Variants in XKR9 observed in about 807,000 individuals in gnomAD.
XKR9 encodes the protein XK-related protein 9.
In XKR9, 32 loss-of-function variants were observed where a neutral mutation model predicts 32.0. The ratio of observed to expected loss-of-function variants is 1.00; its 90% CI spans 0.76 to 1.34. The LOEUF is 1.34. Ranked by LOEUF, XKR9 falls within the 40% of genes most tolerant of loss-of-function variation. The pLI, the probability that XKR9 is intolerant of heterozygous loss-of-function variation, is 0.00. For missense variants in XKR9, 546 were observed against 429.7 expected (o/e 1.27, Z -2.39); for synonymous variants, 168 against 143.4 (o/e 1.17, Z -1.22).
At chr8:70,935,505 G>C in the XKR9 span, among the ~76,000 whole-genome samples, 1 of 151,890 alleles carries the variant, frequency 6.6e-6, no homozygotes, top group Non-Finnish European at 1.5e-5. Context: ...CAGTATATGA[G>C]AGTGTATTTC....
the XKR9 span, among the ~76,000 whole-genome samples, chr8:70,877,029 A>T: frequency 0.087 from 13,223 of 152,204 alleles, 1,173 homozygotes; most frequent in East Asian, 0.27. Flanking sequence ...TGGGTAATTT[A>T]TAAAGGAAAG....
At chr8:70,766,250 T>G (rs1367535626) in intron 2 of XKR9, among the ~76,000 whole-genome samples, 1 of 152,224 alleles carries the variant, frequency 6.6e-6, no homozygotes, top group Non-Finnish European at 1.5e-5. Flanking sequence ...TGGAATGTTC[T>G]TCCACTTGTT....
At chr8:71,000,194 CTA>C in the XKR9 span, among the ~76,000 whole-genome samples, 1 of 152,142 alleles carries the variant, frequency 6.6e-6, no homozygotes, top group Non-Finnish European at 1.5e-5. Context: ...TAAAGAAGCT[CTA>C]GAGACAAAAT....
chr8:70,681,106 A>G lies in XKR9; in HGVS notation c.48A>G (p.Ile16Met). ...TTATGATGTCAGTTCTTGGCATTAT[A>G]ATCTACGTAACTGATTTAATTGTGG... ...QNFMMSVLGI[I>M]IYVTDLIVDI... The change falls in exon 3 of 5, where the codon ATA (isoleucine) becomes ATG (methionine). Residue 16 changes from isoleucine (I) to methionine (M), a missense_variant. By Grantham distance (10) the Ile-to-Met change is conservative (BLOSUM62 1). Coordinates refer to ENST00000408926, the MANE Select transcript of XKR9 (RefSeq NM_001011720.2). The G allele has an allele frequency of 6.2e-7, 1 of 1,613,366 alleles. No individual in the cohort carries two copies. The highest frequency in any genetic ancestry group is 8.5e-7 in the Non-Finnish European group (1 of 1,179,500).
the XKR9 span, among the ~76,000 whole-genome samples, chr8:70,931,097 C>A: frequency 2.0e-5 from 3 of 151,174 alleles, no homozygotes; most frequent in African/African-American, 7.3e-5. Context: ...AAATAAATAT[C>A]CACATAGTTG....
the XKR9 span, among the ~76,000 whole-genome samples, chr8:70,934,640 G>C: frequency 6.6e-6 from 1 of 151,974 alleles, no homozygotes; most frequent in Non-Finnish European, 1.5e-5. Flanking sequence ...TACTATGCAA[G>C]CTTATTATAA....
chr8:70,803,201 C>G, the XKR9 span, among the ~76,000 whole-genome samples: 1 of 152,048 alleles, frequency 6.6e-6, no homozygotes, highest in African/African-American at 2.4e-5. Context: ...GGTCTTCAAA[C>G]TTGGACATTC....
chr8:70,944,155 A>G, the XKR9 span, among the ~76,000 whole-genome samples: 1 of 152,174 alleles, frequency 6.6e-6, no homozygotes, highest in Non-Finnish European at 1.5e-5. Flanking sequence ...AAAAAAAATA[A>G]TTGTTTTTGC....
At chr8:70,948,552 T>TG in the XKR9 span, among the ~76,000 whole-genome samples, 2 of 152,094 alleles carry the variant, frequency 1.3e-5, no homozygotes, top group African/African-American at 4.8e-5. Flanking sequence ...CTGGGGAGAC[T>TG]GGGCAGCTCA....
chr8:70,969,415 G>A, the XKR9 span, among the ~76,000 whole-genome samples: 2 of 152,168 alleles, frequency 1.3e-5, no homozygotes, highest in Non-Finnish European at 2.9e-5. Context: ...AGAAAAGTCA[G>A]ACTGGAACCA....
chr8:70,692,977 C>T (rs1033561984), intron 3 of XKR9, among the ~76,000 whole-genome samples: 1 of 152,194 alleles, frequency 6.6e-6, no homozygotes, highest in African/African-American at 2.4e-5. Flanking sequence ...GCCTTTTCCA[C>T]ATCTGTTGAG....
At chr8:70,681,981 T>C (rs17687694) in intron 3 of XKR9, among the ~76,000 whole-genome samples, 11,039 of 152,212 alleles carry the variant, frequency 0.073, 472 homozygotes, top group Non-Finnish European at 0.089. Context: ...GCTTTTCTTA[T>C]ATTAATTAAT....
the XKR9 span, among the ~76,000 whole-genome samples, chr8:70,880,818 A>G: frequency 6.6e-6 from 1 of 152,220 alleles, no homozygotes; most frequent in African/African-American, 2.4e-5. Flanking sequence ...AACCAAGACA[A>G]TCCTAAGCAA....
chr8:70,931,748 T>G, the XKR9 span, among the ~76,000 whole-genome samples: 3 of 152,130 alleles, frequency 2.0e-5, no homozygotes, highest in Non-Finnish European at 4.4e-5. Flanking sequence ...TCATGTGGTG[T>G]GAGAGAAAGC....
At chr8:70,712,322 A>G (rs751854955) in intron 4 of XKR9, among the ~76,000 whole-genome samples, 2 of 152,284 alleles carry the variant, frequency 1.3e-5, no homozygotes, top group East Asian at 1.9e-4. Flanking sequence ...AACATAACAT[A>G]TCTGATAAAA....
intron 2 of XKR9, among the ~76,000 whole-genome samples, chr8:70,742,367 G>A (rs1374324339): frequency 6.6e-6 from 1 of 152,182 alleles, no homozygotes; most frequent in South Asian, 2.1e-4. Context: ...TGGTGTATAT[G>A]TTTGCTTGTA....
chr8:70,799,203 GT>G, the XKR9 span, among the ~76,000 whole-genome samples: 1 of 152,020 alleles, frequency 6.6e-6, no homozygotes, highest in Non-Finnish European at 1.5e-5. Context: ...TTTTTCATTT[GT>G]TTGGGTCAGC....
the XKR9 span, among the ~76,000 whole-genome samples, chr8:70,888,382 T>C: frequency 6.6e-6 from 1 of 152,038 alleles, no homozygotes; most frequent in African/African-American, 2.4e-5. Flanking sequence ...AGTTTGCAAA[T>C]GTTTTCTTCC....
At chr8:70,900,312 TG>T in the XKR9 span, among the ~76,000 whole-genome samples, 1 of 152,066 alleles carries the variant, frequency 6.6e-6, no homozygotes, top group Non-Finnish European at 1.5e-5. Flanking sequence ...AACTCCACGC[TG>T]GGTGCAGTGC....
Sources: allele counts gnomAD v4.1 joint callset (sites outside exome capture counted in the v4.1 genomes callset), GRCh38; gene constraint gnomAD v4.1.1; transcripts MANE v1.5; gene names NCBI Gene and HGNC (gene_info 2026-07-23, HGNC 2026-07-21).